The following OPA1 variants were observed in gnomAD, a reference collection of about 807,000 sequenced individuals.
OPA1 encodes the protein OPA1 mitochondrial dynamin like GTPase.
In OPA1, 59 loss-of-function variants were observed where a neutral mutation model predicts 152.9. The observed-to-expected ratio is 0.39, with a 90% confidence interval of 0.31 to 0.48. OPA1 has a LOEUF of 0.48. Among genes scored for constraint, OPA1 ranks in the 20% least tolerant of loss-of-function variants. The pLI is 0.96. For missense variants in OPA1, 1,008 were observed against 1,216.8 expected, an observed-to-expected ratio of 0.83 and a Z score of 2.55; for synonymous variants, 400 against 389.9, an observed-to-expected ratio of 1.03 and a Z score of -0.31.
At chr3:193,604,860 C>CAAAAAAAA (rs55904490) in intron 1 of OPA1, among the ~76,000 whole-genome samples, 7 of 104,580 alleles carry the variant, frequency 6.7e-5, no homozygotes, top group African/African-American at 1.5e-4. Context: ...AACTCCATCT[C>CAAAAAAAA]AAAAAAAAAA....
intron 29 of OPA1, among the ~76,000 whole-genome samples, chr3:193,683,128 G>A (rs1720420807): frequency 1.3e-5 from 2 of 152,188 alleles, no homozygotes; most frequent in Admixed American, 1.3e-4. Context: ...TGACTTTGAA[G>A]AGTTTGGGAC....
chr3:193,659,117 C>T lies in OPA1; in HGVS notation c.2440+122C>T, dbSNP rs544270201. 108 of 763,236 alleles carry T rather than the reference C, an allele frequency of 1.4e-4. No individual in the cohort carries two copies. In the African/African-American group the frequency reaches 1.7e-3, roughly 12 times the overall value. 47.3% of individuals were successfully genotyped at this position (763,236 alleles called of 1,614,324 possible). ...AAGTCTTTGTCATTAATACTATAGTCGAATATTATTTGTGGAATTTTTTTA... is the reference window on the plus strand; with the variant it reads ...AAGTCTTTGTCATTAATACTATAGTTGAATATTATTTGTGGAATTTTTTTA... On this transcript the variant is annotated intron_variant, in intron 24 of 30. Coordinates refer to ENST00000361510, the MANE Select transcript of OPA1 (RefSeq NM_130837.3).
At chr3:193,648,559 A>G in intron 20 of OPA1, 2 of 469,182 alleles carry the variant, frequency 4.3e-6, no homozygotes, top group Admixed American at 7.1e-5. Flanking sequence ...AACAAGTGTT[A>G]TGTGAAAAAC....
intron 29 of OPA1, among the ~76,000 whole-genome samples, chr3:193,674,040 G>C (rs573052250): frequency 2.0e-4 from 30 of 152,220 alleles, no homozygotes; most frequent in Non-Finnish European, 3.1e-4. Flanking sequence ...AGTCGGGCTC[G>C]CAGCAGCGTG....
At chr3:193,606,339 C>A (rs1312450601) in intron 1 of OPA1, among the ~76,000 whole-genome samples, 1 of 152,022 alleles carries the variant, frequency 6.6e-6, no homozygotes, top group African/African-American at 2.4e-5. Flanking sequence ...CATATGTATA[C>A]ATGTGCCATG....
intron 7 of OPA1, among the ~76,000 whole-genome samples, chr3:193,629,140 C>A (rs544311127): frequency 1.3e-5 from 2 of 151,806 alleles, no homozygotes; most frequent in Non-Finnish European, 2.9e-5. Context: ...CTCGAACTCC[C>A]GACCTCAGGT....
At chr3:193,642,876 G>A (rs1056056944) in intron 12 of OPA1, 31 bp downstream of exon 12, 4 of 1,566,868 alleles carry the variant, frequency 2.6e-6, no homozygotes, top group Non-Finnish European at 3.5e-6. Flanking sequence ...GTTGATATGT[G>A]TAATTTTATA....
At chr3:193,649,243 G>T (rs946617808) in intron 21 of OPA1, among the ~76,000 whole-genome samples, 1 of 152,098 alleles carries the variant, frequency 6.6e-6, no homozygotes, top group Non-Finnish European at 1.5e-5. Flanking sequence ...TTCTGAGTAA[G>T]AACAGTTAGT....
intron 29 of OPA1, among the ~76,000 whole-genome samples, chr3:193,680,449 C>A (rs1272159996): frequency 6.6e-6 from 1 of 152,202 alleles, no homozygotes; most frequent in Non-Finnish European, 1.5e-5. Flanking sequence ...ATGCTGGGAA[C>A]ATGCATACAG....
intron 6 of OPA1, among the ~76,000 whole-genome samples, chr3:193,622,749 G>C (rs372350114): frequency 1.9e-4 from 29 of 151,992 alleles, no homozygotes; most frequent in African/African-American, 7.0e-4. Context: ...CTATCTAATC[G>C]GCCATTTCTG....
intron 29 of OPA1, chr3:193,668,200 A>C: frequency 2.9e-6 from 2 of 689,408 alleles, no homozygotes; most frequent in South Asian, 1.9e-5. Flanking sequence ...GATATTTGTC[A>C]CTTGCTTTCC....
chr3:193,681,451 A>G (rs544575859), intron 29 of OPA1, among the ~76,000 whole-genome samples: 1 of 152,362 alleles, frequency 6.6e-6, no homozygotes, highest in East Asian at 1.9e-4. Context: ...GGGTTGAAAG[A>G]AAAGGAAAAT....
In OPA1 at chr3:193,614,845, G is replaced by A. The variant is rs749115822; in HGVS notation, c.155G>A (p.Arg52Gln). ...CATCATCCTACCTTAAAGCTTCAAC[G>A]ACCCCAATTAAGGACATCCTTTCAG... The part of the protein sequence containing the change: ...HSHHPTLKLQ[R>Q]PQLRTSFQQF... The change falls in exon 2 of 31, where the codon CGA becomes CAA. Residue 52 changes from arginine to glutamine, a missense_variant. Arg to Gln is a conservative substitution (Grantham distance 43). Coordinates refer to ENST00000361510, the MANE Select transcript of OPA1 (RefSeq NM_130837.3). 4.3e-6 allele frequency: 7 copies of A among 1,613,806 alleles called. No homozygotes were observed. Among genetic ancestry groups the A allele is most frequent in the Non-Finnish European group, 5.1e-6 (6 of 1,179,864 alleles).
chr3:193,635,987 G>A (rs920461078), intron 9 of OPA1, among the ~76,000 whole-genome samples: 7 of 152,166 alleles, frequency 4.6e-5, no homozygotes, highest in African/African-American at 1.7e-4. Flanking sequence ...TCGAAAAAGT[G>A]TGTGCTGGTA....
chr3:193,627,538 A>G (rs1731355155), intron 7 of OPA1, among the ~76,000 whole-genome samples: 1 of 152,176 alleles, frequency 6.6e-6, no homozygotes, highest in East Asian at 1.9e-4. Context: ...AGGAGCAAGT[A>G]TGTTCTTATA....
At chr3:193,646,321 G>C (rs911598617) in intron 18 of OPA1, among the ~76,000 whole-genome samples, 5 of 152,194 alleles carry the variant, frequency 3.3e-5, no homozygotes, top group African/African-American at 1.2e-4. Context: ...AGTCAAGATA[G>C]TTCTTGCAAA....
Position 193,635,444 on chromosome 3 carries a change from A to G in OPA1, c.870A>G (p.Arg290=), listed in dbSNP as rs1732784348. Residue 290 remains arginine, a synonymous_variant, in exon 9 of 31, where the codon CGA becomes CGG. Coordinates refer to ENST00000361510, the MANE Select transcript of OPA1 (RefSeq NM_130837.3). ...TQLKYQRILE[R]LEKENKELRK... Reference sequence around the variant, plus strand: ...TGAAGTATCAGAGAATCTTGGAACGATTAGAAAAGGAGAACAAAGAATTGA... The same window carrying G: ...TGAAGTATCAGAGAATCTTGGAACGGTTAGAAAAGGAGAACAAAGAATTGA... The G allele has an allele frequency of 1.2e-6, 2 of 1,605,694 alleles. No individual in the cohort carries two copies. The highest frequency in any genetic ancestry group is 1.7e-6 in the Non-Finnish European group (2 of 1,172,618).
rs189562485 is a variant in OPA1, at chr3:193,648,633, A to G, written c.1936-162A>G. 263 of 584,094 alleles carry G rather than the reference A, an allele frequency of 4.5e-4. 2 individuals carry two copies. Among genetic ancestry groups the G allele is most frequent in the African/African-American group, 4.3e-3 (227 of 53,406 alleles). The allele number at this position is 584,094 out of a possible 1,614,324, so 36.2% of individuals were successfully genotyped here. On this transcript the variant is annotated intron_variant, in intron 20 of 30. Transcript: ENST00000361510. ...TCTTTGTCCTTATCTGCATAATGGC[A>G]TTCCTAAAAAAAAACACTAGAAGTG...
At position 193,614,949 on chromosome 3, in the gene OPA1, A is replaced by G; in HGVS notation, c.259A>G (p.Asn87Asp). 6.2e-7 allele frequency: 1 copy of G among 1,614,134 alleles called. No individual in the cohort carries two copies. The highest frequency in any genetic ancestry group is 1.3e-5 in the African/African-American group (1 of 75,056). ...PIKYGYQPRR[N>D]FWPARLATRL... ...TAAATATGGCTACCAGCCTCGCAGG[A>G]ATTTTTGGCCAGCAAGATTAGCTAC... Residue 87 changes from asparagine (N) to aspartate (D), a missense_variant, in exon 2 of 31, where the codon AAT becomes GAT. This residue lies in a region of OPA1 where 408 missense variants were observed against 395.1 expected (regional missense o/e 1.03). Coordinates refer to ENST00000361510, the MANE Select transcript of OPA1 (RefSeq NM_130837.3).
Sources: gnomAD v4.1 joint callset for allele counts (sites outside exome capture counted in the v4.1 genomes callset) on GRCh38, gnomAD v4.1.1 for gene constraint, gnomAD v4.1.1 regional missense constraint, MANE v1.5 for transcripts, NCBI Gene and HGNC (gene_info 2026-07-23, HGNC 2026-07-21) for gene names.